TENM3: variants seen among roughly 807,000 people sequenced by gnomAD.
TENM3 encodes the protein teneurin-3.
A neutral mutation model predicts 255.1 loss-of-function variants in TENM3; 63 were observed. The ratio of observed to expected loss-of-function variants is 0.25; its 90% confidence interval spans 0.20 to 0.30. The LOEUF is 0.30. TENM3 is among the 10% of genes least tolerant of loss of function. The pLI, the probability that TENM3 is intolerant of heterozygous loss-of-function variation, is 1.00. For missense variants in TENM3, 2,929 were observed against 3,461.1 expected (o/e 0.85, Z 3.86); for synonymous variants, 1,306 against 1,322.3 (o/e 0.99, Z 0.27).
intron 2 of TENM3, among the ~76,000 whole-genome samples, chr4:182,345,569 CA>C (rs1764747044): frequency 6.6e-6 from 1 of 152,172 alleles, no homozygotes; most frequent in South Asian, 2.1e-4. Flanking sequence ...CTAAATCTCA[CA>C]CTCTACCATG....
chr4:182,547,929 A>AT (rs1741609131), intron 3 of TENM3, among the ~76,000 whole-genome samples: 1 of 152,170 alleles, frequency 6.6e-6, no homozygotes, highest in Non-Finnish European at 1.5e-5. Flanking sequence ...CTGAAAAAAA[A>AT]TTCCAAGGCC....
At position 182,675,644 on chromosome 4, in the gene TENM3, A is replaced by G. The variant is rs76324954; in HGVS notation, c.1326+2425A>G. Among the ~76,000 whole-genome samples, 1,364 of 152,320 alleles carry G rather than the reference A, an allele frequency of 9.0e-3. 19 individuals are homozygous for G. The highest frequency in any genetic ancestry group is 0.031 in the African/African-American group (1,292 of 41,560). On this transcript the variant is annotated intron_variant, in intron 7 of 27. Transcript: ENST00000511685. ...ATAGCAATTGTCCAGTGAAATATGA[A>G]AAAATATTTTCCCACTGAAACCGCA... is the stretch of plus-strand genomic sequence containing the variant.
the TENM3 span, among the ~76,000 whole-genome samples, chr4:181,601,509 C>A: frequency 6.6e-6 from 1 of 152,126 alleles, no homozygotes; most frequent in Non-Finnish European, 1.5e-5. Context: ...ATGCACACAT[C>A]CCTGGTATCT....
At chr4:181,760,999 C>CACACACATACACAT in the TENM3 span, among the ~76,000 whole-genome samples, 5 of 145,524 alleles carry the variant, frequency 3.4e-5, no homozygotes, top group Admixed American at 6.9e-5. Context: ...CACACACACA[C>CACACACATACACAT]ACACACACAC....
At chr4:182,081,840 A>G in the TENM3 span, 1 of 152,110 alleles carries the variant, frequency 6.6e-6, no homozygotes, top group African/African-American at 2.4e-5. Context: ...GGCGAAAAAA[A>G]AAATGTTACT....
chr4:181,569,802 T>C, the TENM3 span, among the ~76,000 whole-genome samples: 5 of 152,318 alleles, frequency 3.3e-5, no homozygotes, highest in East Asian at 9.7e-4. Context: ...GCTCCAGAAC[T>C]GTTTTCGTAT....
In TENM3 at chr4:182,792,989, A is replaced by G. The variant is rs1489158530; in HGVS notation, c.6317A>G (p.Tyr2106Cys). 1 of 1,613,982 alleles carries G rather than the reference A, an allele frequency of 6.2e-7. No homozygotes were observed. The highest frequency in any genetic ancestry group is 8.5e-7 in the Non-Finnish European group (1 of 1,179,860). The change falls in exon 26 of 28, where the codon TAT becomes TGT. Residue 2106 changes from tyrosine (Y) to cysteine (C), a missense_variant. Physicochemically the swap from Tyr to Cys is radical, Grantham distance 194. Transcript: ENST00000511685. This position sits in a 1 kb window ranked among gnomAD's most constrained non-coding sequence, Gnocchi z 6.3. ...CTCATGTACTGGATTACAATTCAGT[A>G]TGATAACATGGGTCGGGTAACCAAG... ...RSLMYWITIQ[Y>C]DNMGRVTKRE...
At chr4:181,988,352 G>C in the TENM3 span, among the ~76,000 whole-genome samples, 1 of 151,850 alleles carries the variant, frequency 6.6e-6, no homozygotes, top group South Asian at 2.1e-4. Flanking sequence ...CCCCTTACCT[G>C]TCACTTTTGC....
chr4:182,084,639 A>G, the TENM3 span, among the ~76,000 whole-genome samples: 1 of 152,212 alleles, frequency 6.6e-6, no homozygotes, highest in East Asian at 1.9e-4. Flanking sequence ...AGATGACAAC[A>G]CAGATGAAGT....
At position 182,615,431 on chromosome 4, in the gene TENM3, C is replaced by G. The variant is rs530604018; in HGVS notation, c.750-13220C>G. 2.0e-5 allele frequency among the ~76,000 whole-genome samples: 3 copies of G among 152,092 alleles called. No homozygotes were observed. The East Asian group carries it at 5.8e-4, about 29-fold the overall frequency. ...CTAGATTTACACGTGGCTCAGAAAT[C>G]CAAGTATAGAGTCCCAAGAGAAAAG... On this transcript the variant is annotated intron_variant, in intron 4 of 27. Coordinates refer to ENST00000511685, the MANE Select transcript of TENM3 (RefSeq NM_001080477.4).
chr4:181,671,061 T>G, the TENM3 span, among the ~76,000 whole-genome samples: 1 of 152,132 alleles, frequency 6.6e-6, no homozygotes, highest in Non-Finnish European at 1.5e-5. Flanking sequence ...TTATAGAAAA[T>G]GATCTACCAA....
the TENM3 span, among the ~76,000 whole-genome samples, chr4:181,957,157 T>A: frequency 6.6e-5 from 10 of 152,296 alleles, no homozygotes; most frequent in African/African-American, 2.2e-4. Context: ...GAGCGTTTGC[T>A]CTAATGTAAA....
intron 3 of TENM3, among the ~76,000 whole-genome samples, chr4:182,395,341 T>C (rs1209353079): frequency 2.6e-5 from 4 of 152,112 alleles, no homozygotes; most frequent in Non-Finnish European, 5.9e-5. Flanking sequence ...CACAAAATTA[T>C]ATAAGAGTCA....
the TENM3 span, among the ~76,000 whole-genome samples, chr4:182,057,455 G>C: frequency 6.8e-6 from 1 of 146,484 alleles, no homozygotes; most frequent in African/African-American, 2.5e-5. Context: ...CCATGGCCCA[G>C]GCAGTAGTGC....
At chr4:182,110,869 C>T in the TENM3 span, among the ~76,000 whole-genome samples, 2 of 152,028 alleles carry the variant, frequency 1.3e-5, no homozygotes, top group African/African-American at 2.4e-5. Context: ...AATAGATGAT[C>T]GAAACTATAG....
chr4:181,605,361 CTT>C, the TENM3 span, among the ~76,000 whole-genome samples: 1 of 151,170 alleles, frequency 6.6e-6, no homozygotes, highest in African/African-American at 2.4e-5. Flanking sequence ...AGGAGAATCT[CTT>C]AACCTGGAAG....
At chr4:182,699,860 C>G (rs780832670) in intron 12 of TENM3, among the ~76,000 whole-genome samples, 20 of 151,990 alleles carry the variant, frequency 1.3e-4, no homozygotes, top group Non-Finnish European at 2.8e-4. Flanking sequence ...ATCTAAATTA[C>G]CACCGAAACC....
the TENM3 span, among the ~76,000 whole-genome samples, chr4:181,628,638 G>A: frequency 4.8e-3 from 729 of 152,236 alleles, 10 homozygotes; most frequent in African/African-American, 0.017. Flanking sequence ...AAGATCAGAT[G>A]GTTGTAGATG....
intron 1 of TENM3, among the ~76,000 whole-genome samples, chr4:182,166,015 T>C (rs1751692343): frequency 6.6e-6 from 1 of 152,162 alleles, no homozygotes; most frequent in Admixed American, 6.5e-5. Flanking sequence ...CCTGACCTCA[T>C]GATCTGCCCG....
Sources: allele counts gnomAD v4.1 joint callset (sites outside exome capture counted in the v4.1 genomes callset), GRCh38; gene constraint gnomAD v4.1.1; non-coding constraint Gnocchi (gnomAD v3.1); transcripts MANE v1.5; gene names NCBI Gene and HGNC (gene_info 2026-07-23, HGNC 2026-07-21).